Variants in DST observed in about 807,000 individuals in gnomAD.
DST encodes dystonin.
DST carries 253 observed loss-of-function variants against 875.2 expected under a neutral mutation model. The ratio of observed to expected loss-of-function variants is 0.29; its 90% confidence interval spans 0.26 to 0.32. The LOEUF (loss-of-function observed/expected upper bound fraction) is 0.32. Among genes scored for constraint, DST ranks in the 10% least tolerant of loss-of-function variants. The pLI is 1.00. For synonymous variants in DST, 3,124 were observed against 3,197.1 expected, an observed-to-expected ratio of 0.98 and a Z score of 0.77; for missense variants, 8,287 against 9,111.6, an observed-to-expected ratio of 0.91 and a Z score of 3.68.
chr6:56,911,995 C>T (rs1798986966), intron 2 of DST, among the ~76,000 whole-genome samples: 1 of 152,178 alleles, frequency 6.6e-6, no homozygotes, highest in South Asian at 2.1e-4. Flanking sequence ...CTCCCAACCA[C>T]TTCTAGTCAC....
At position 56,505,634 on chromosome 6, in the gene DST, TAAA is replaced by T. The variant is rs370077014; in HGVS notation, c.19464+806_19464+808del. Among the ~76,000 whole-genome samples the T allele has an allele frequency of 3.0e-3, 459 of 152,122 alleles. 1 individual carries two copies. Among genetic ancestry groups the T allele is most frequent in the African/African-American group, 9.8e-3 (405 of 41,532 alleles). ...CAAATATAGAAATGGAATGGCATAA[TAAA>T]AAAGGAAAAGATGTTCTCATCTGGG... On this transcript the variant is annotated intron_variant, in intron 77 of 103. Transcript: ENST00000680361.
chr6:56,503,733 C>A (rs2096222004), intron 78 of DST, among the ~76,000 whole-genome samples: 1 of 151,754 alleles, frequency 6.6e-6, no homozygotes, highest in Admixed American at 6.6e-5. Context: ...ATTTGTTTTT[C>A]TCCTTTTTAT....
At chr6:56,911,165 G>C (rs1347575511) in intron 2 of DST, among the ~76,000 whole-genome samples, 2 of 152,164 alleles carry the variant, frequency 1.3e-5, no homozygotes, top group Non-Finnish European at 2.9e-5. Flanking sequence ...TGAGAGCCTG[G>C]GCTGCTTAGC....
At chr6:56,478,548 TC>T (rs1424973737) in intron 90 of DST, among the ~76,000 whole-genome samples, 1 of 152,188 alleles carries the variant, frequency 6.6e-6, no homozygotes, top group African/African-American at 2.4e-5. Context: ...CTTTCTACCA[TC>T]AGAACTATAT....
intron 80 of DST, among the ~76,000 whole-genome samples, chr6:56,499,246 G>C (rs1313854414): frequency 6.6e-6 from 1 of 152,068 alleles, no homozygotes; most frequent in Non-Finnish European, 1.5e-5. Flanking sequence ...ATTCAGACCA[G>C]GGTGGATTTT....
intron 23 of DST, among the ~76,000 whole-genome samples, chr6:56,636,090 C>T (rs1350187566): frequency 6.6e-6 from 1 of 151,844 alleles, no homozygotes; most frequent in African/African-American, 2.4e-5. Context: ...AAAACAGTTC[C>T]TAAATAAGAG....
chr6:56,607,850 A>G lies in DST; in HGVS notation c.6778T>C (p.Phe2260Leu), dbSNP rs1420836662. 1.9e-6 allele frequency: 3 copies of G among 1,613,498 alleles called. 1 individual carries two copies. In the South Asian group the frequency reaches 3.3e-5, roughly 18 times the overall value. The change falls in exon 40 of 104, where the codon TTT becomes CTT. Residue 2260 changes from phenylalanine (F) to leucine (L), a missense_variant. Transcript: ENST00000680361. ...CLDVLSSSGVFLNNASGREKD... is the reference protein window; with the variant it reads ...CLDVLSSSGVLLNNASGREKD... Reference sequence around the variant, plus strand: ...TCTCTACCTGAAGCATTATTAAGAAATACACCAGATGAGCTTAAGACATCG... The same window carrying G: ...TCTCTACCTGAAGCATTATTAAGAAGTACACCAGATGAGCTTAAGACATCG...
chr6:56,647,944 C>T (rs1268368009), intron 13 of DST, among the ~76,000 whole-genome samples: 1 of 152,088 alleles, frequency 6.6e-6, no homozygotes, highest in Non-Finnish European at 1.5e-5. Flanking sequence ...TCTTGGCCTC[C>T]CAAAGTGCTG....
At chr6:56,655,160 CAAAAAA>C (rs11365303) in intron 10 of DST, among the ~76,000 whole-genome samples, 7 of 57,344 alleles carry the variant, frequency 1.2e-4, no homozygotes, top group Non-Finnish European at 2.8e-4. Context: ...GACTTTGCCT[CAAAAAA>C]AAAAAAAAAA....
chr6:56,811,162 C>T (rs1272393250), intron 4 of DST, among the ~76,000 whole-genome samples: 7 of 120,732 alleles, frequency 5.8e-5, no homozygotes, highest in African/African-American at 6.6e-5. Flanking sequence ...CCAGCCTAGG[C>T]GACAGAGCAA....
chr6:56,601,694 C>A lies in DST; in HGVS notation c.11308-18G>T, dbSNP rs565913882. The A allele has an allele frequency of 2.1e-6, 3 of 1,434,766 alleles. No individual in the cohort carries two copies. Among genetic ancestry groups the A allele is most frequent in the African/African-American group, 2.8e-5 (2 of 70,368 alleles). 88.9% of individuals were successfully genotyped at this position (1,434,766 alleles called of 1,614,324 possible). A position where few individuals can be genotyped will look rare whatever the true frequency, so the allele number is the denominator to read the frequency against. On this transcript the variant is annotated intron_variant, in intron 43 of 103. Transcript: ENST00000680361. ...AATACATTCTGTTAAAAAAGTAGTA[C>A]AAGCTATCAGTAGAAAGTTAAGCCA...
chr6:56,820,209 A>T (rs1424533514), intron 4 of DST, among the ~76,000 whole-genome samples: 1 of 152,214 alleles, frequency 6.6e-6, no homozygotes, highest in Non-Finnish European at 1.5e-5. Flanking sequence ...AGGATACTTT[A>T]AGTACCTAGT....
At chr6:56,660,451 A>G (rs2099033165) in intron 10 of DST, among the ~76,000 whole-genome samples, 1 of 152,164 alleles carries the variant, frequency 6.6e-6, no homozygotes. Flanking sequence ...TATGCCACTT[A>G]ACATCTGCTT....
intron 2 of DST, among the ~76,000 whole-genome samples, chr6:56,908,268 G>A (rs544184776): frequency 6.6e-6 from 1 of 152,104 alleles, no homozygotes; most frequent in South Asian, 2.1e-4. Context: ...TTCATCCTAG[G>A]CTAGAAATAA....
rs772844548 is a variant in DST at position 56,552,172 on chromosome 6, A to T, written c.16608+12T>A. ...CAATAAAAACACTGGGTAAAAATGA[A>T]GAGTTCCCTACCTTGAACATGTTAA... On this transcript the variant is annotated intron_variant, in intron 61 of 103. Transcript: ENST00000680361. 6.4e-7 allele frequency: 1 copy of T among 1,563,742 alleles called. No individual in the cohort carries two copies. The highest frequency in any genetic ancestry group is 2.3e-5 in the East Asian group (1 of 44,368).
In DST at chr6:56,648,270, G is replaced by A. The variant is rs574413062; in HGVS notation, c.1554+300C>T. Among the ~76,000 whole-genome samples the A allele has an allele frequency of 3.3e-5, 5 of 152,156 alleles. No individual in the cohort carries two copies. The South Asian group carries it at 8.3e-4, about 25-fold the overall frequency. Reference sequence around the variant, plus strand: ...TCTACCTCAAGCCATCTCGGGGGCTGCAAGCATTTCCCATGTACTAAAATC... The same window carrying A: ...TCTACCTCAAGCCATCTCGGGGGCTACAAGCATTTCCCATGTACTAAAATC... On this transcript the variant is annotated intron_variant, in intron 13 of 103. Transcript: ENST00000680361.
intron 72 of DST, among the ~76,000 whole-genome samples, chr6:56,511,854 CG>C (rs987803844): frequency 3.3e-5 from 5 of 150,410 alleles, no homozygotes; most frequent in African/African-American, 1.2e-4. Flanking sequence ...AGAGACAAGA[CG>C]GGGGGAAGGA....
At chr6:56,870,015 A>G (rs1050731019) in intron 3 of DST, among the ~76,000 whole-genome samples, 13 of 151,988 alleles carry the variant, frequency 8.6e-5, no homozygotes, top group African/African-American at 2.9e-4. Context: ...TTTCCCTGGC[A>G]AAACTAACAG....
chr6:56,763,955 A>G (rs767704440), intron 4 of DST, among the ~76,000 whole-genome samples: 3 of 152,122 alleles, frequency 2.0e-5, no homozygotes, highest in Admixed American at 6.5e-5. Context: ...TACTATAAAT[A>G]TACAGATTAA....
Sources: allele counts gnomAD v4.1 joint callset (sites outside exome capture counted in the v4.1 genomes callset), GRCh38; gene constraint gnomAD v4.1.1; transcripts MANE v1.5; gene names NCBI Gene and HGNC (gene_info 2026-07-23, HGNC 2026-07-21).